ADAMTSL1: variants seen among roughly 807,000 people sequenced by gnomAD.
The protein encoded by ADAMTSL1 is ADAMTS-like protein 1.
A neutral mutation model predicts 201.8 loss-of-function variants in ADAMTSL1; 126 were observed. The ratio of observed to expected loss-of-function variants is 0.62; its 90% CI spans 0.54 to 0.72. The LOEUF is 0.72. Ranked by LOEUF, ADAMTSL1 falls within the 30% of genes least tolerant of loss-of-function variation. The pLI, the probability that ADAMTSL1 is intolerant of heterozygous loss-of-function variation, is 0.00. For synonymous variants in ADAMTSL1, 1,121 were observed against 903.4 expected (o/e 1.24, Z -4.32); for missense variants, 2,679 against 2,277.8 (o/e 1.18, Z -3.59).
intron 2 of ADAMTSL1, among the ~76,000 whole-genome samples, chr9:18,203,651 C>T (rs1829536058): frequency 6.6e-6 from 1 of 151,972 alleles, no homozygotes; most frequent in South Asian, 2.1e-4. Flanking sequence ...AGGCACCTCA[C>T]AAGTTCACAT....
At chr9:18,611,538 A>G (rs1374871469) in intron 4 of ADAMTSL1, among the ~76,000 whole-genome samples, 1 of 152,182 alleles carries the variant, frequency 6.6e-6, no homozygotes, top group Admixed American at 6.6e-5. Context: ...TTTATGTAAG[A>G]ATTTGTCCAA....
chr9:18,547,795 C>T (rs1438365865), intron 3 of ADAMTSL1, among the ~76,000 whole-genome samples: 1 of 151,796 alleles, frequency 6.6e-6, no homozygotes, highest in Non-Finnish European at 1.5e-5. Context: ...CTTGCAATTT[C>T]TTCATTATGG....
At chr9:18,042,061 AC>A (rs1248464756) in intron 1 of ADAMTSL1, among the ~76,000 whole-genome samples, 1 of 150,498 alleles carries the variant, frequency 6.6e-6, no homozygotes, top group Admixed American at 6.7e-5. Context: ...CAAAATTTCT[AC>A]CCTTGAGGCT....
intron 2 of ADAMTSL1, among the ~76,000 whole-genome samples, chr9:18,328,024 TTAAG>T (rs1339011185): frequency 6.6e-6 from 1 of 152,212 alleles, no homozygotes. Context: ...AAAGCTTGAA[TTAAG>T]TAACAGGACA....
chr9:18,651,412 G>A (rs1385620935), intron 7 of ADAMTSL1: 1 of 152,258 alleles, frequency 6.6e-6, no homozygotes, highest in East Asian at 1.9e-4. Flanking sequence ...ACATATTCTG[G>A]TTTTGCTCAC....
chr9:18,082,103 A>G lies in ADAMTSL1; in HGVS notation c.88-81759A>G, dbSNP rs374959563. Reference sequence around the variant, plus strand: ...ACAAAACCAAAATGCAAATAAGCTCATTTTCAACTGTAGTTATCTTTAATG... The same window carrying G: ...ACAAAACCAAAATGCAAATAAGCTCGTTTTCAACTGTAGTTATCTTTAATG... On this transcript the variant is annotated intron_variant, in intron 1 of 29. Transcript: ENST00000680146. Among the ~76,000 whole-genome samples, 227 of 152,338 alleles carry G rather than the reference A, an allele frequency of 1.5e-3. 7 individuals are homozygous for G. In the South Asian group the frequency reaches 0.046, roughly 31 times the overall value.
chr9:18,138,086 C>T (rs1218217657), intron 1 of ADAMTSL1, among the ~76,000 whole-genome samples: 1 of 152,064 alleles, frequency 6.6e-6, no homozygotes, highest in Non-Finnish European at 1.5e-5. Flanking sequence ...TTGCTGGCCG[C>T]ATGTTCTTCA....
chr9:17,951,649 T>G (rs982243077), intron 1 of ADAMTSL1, among the ~76,000 whole-genome samples: 53 of 151,630 alleles, frequency 3.5e-4, no homozygotes, highest in Admixed American at 1.8e-3. Flanking sequence ...TCTATTGGGC[T>G]GTTGTCTCTT....
intron 1 of ADAMTSL1, among the ~76,000 whole-genome samples, chr9:17,930,258 C>T (rs1448100026): frequency 1.3e-5 from 2 of 151,992 alleles, no homozygotes; most frequent in African/African-American, 4.8e-5. Flanking sequence ...GGAGTCTCTG[C>T]CGTCTTTAAC....
intron 1 of ADAMTSL1, among the ~76,000 whole-genome samples, chr9:18,058,057 T>C (rs916437860): frequency 6.6e-6 from 1 of 152,174 alleles, no homozygotes; most frequent in Non-Finnish European, 1.5e-5. Flanking sequence ...ACCTAGTACA[T>C]AGGAGTATCT....
At chr9:18,523,917 T>C (rs10810980) in intron 2 of ADAMTSL1, among the ~76,000 whole-genome samples, 63,430 of 115,132 alleles carry the variant, frequency 0.55, 18,095 homozygotes, top group East Asian at 0.77. Flanking sequence ...ATTGACTTGG[T>C]GATGTGGGCT....
At chr9:18,851,798 A>T (rs1467390701) in intron 23 of ADAMTSL1, among the ~76,000 whole-genome samples, 5 of 152,186 alleles carry the variant, frequency 3.3e-5, no homozygotes, top group Non-Finnish European at 7.3e-5. Context: ...TTCCCTTATC[A>T]GTCAAACTTT....
intron 2 of ADAMTSL1, among the ~76,000 whole-genome samples, chr9:18,335,461 A>G (rs1471997220): frequency 1.3e-5 from 2 of 152,112 alleles, no homozygotes. Flanking sequence ...ATATATCACA[A>G]AATTCATAAT....
rs1284876893 is a variant in ADAMTSL1, at chr9:18,906,742, G to T, written c.5012G>T (p.Arg1671Ile). 1 of 1,613,366 alleles carries T rather than the reference G, an allele frequency of 6.2e-7. No homozygotes were observed. Among genetic ancestry groups the T allele is most frequent in the East Asian group, 2.2e-5 (1 of 44,856 alleles). The change falls in exon 28 of 29, where the codon AGA becomes ATA. Residue 1671 changes from arginine to isoleucine, a missense_variant. Coordinates refer to ENST00000380548, the MANE Select transcript of ADAMTSL1 (RefSeq NM_001040272.6). ...TCAGAGGCCTGCAGTGTACACTGGA[G>T]AGTCAGCCTGTGGACCCTGTGCACA... is the stretch of plus-strand genomic sequence containing the variant. ...CWSEACSVHW[R>I]VSLWTLCTAT...
chr9:18,538,817 G>A (rs936902624), intron 3 of ADAMTSL1, among the ~76,000 whole-genome samples: 2 of 152,202 alleles, frequency 1.3e-5, no homozygotes, highest in Admixed American at 6.5e-5. Flanking sequence ...ATATCACAAA[G>A]TCAGGAAACA....
chr9:18,073,085 G>A (rs909009543), intron 1 of ADAMTSL1, among the ~76,000 whole-genome samples: 1 of 152,194 alleles, frequency 6.6e-6, no homozygotes, highest in Non-Finnish European at 1.5e-5. Context: ...GAAGAGCACT[G>A]AAGTTCATGA....
intron 2 of ADAMTSL1, among the ~76,000 whole-genome samples, chr9:18,367,939 G>T (rs1467822156): frequency 6.6e-6 from 1 of 151,586 alleles, no homozygotes; most frequent in Non-Finnish European, 1.5e-5. Context: ...TCGCTCTGTC[G>T]CCCAGGCTGG....
intron 2 of ADAMTSL1, among the ~76,000 whole-genome samples, chr9:18,336,852 A>G (rs941808483): frequency 1.3e-5 from 2 of 152,182 alleles, no homozygotes; most frequent in African/African-American, 4.8e-5. Context: ...CATTGGGACC[A>G]TGTGGGAGCA....
At chr9:18,092,973 G>T (rs780374808) in intron 1 of ADAMTSL1, among the ~76,000 whole-genome samples, 2 of 152,064 alleles carry the variant, frequency 1.3e-5, no homozygotes, top group Non-Finnish European at 2.9e-5. Flanking sequence ...GGGAAAATTG[G>T]GGCTCAATCG....
Sources: gnomAD v4.1 joint callset for allele counts (sites outside exome capture counted in the v4.1 genomes callset) on GRCh38, gnomAD v4.1.1 for gene constraint, MANE v1.5 for transcripts, NCBI Gene and HGNC (gene_info 2026-07-23, HGNC 2026-07-21) for gene names.